The following EFNA5 variants were observed in gnomAD, a reference collection of about 807,000 sequenced individuals.
The protein encoded by EFNA5 is ephrin A5, also known as ephrin-A5.
In EFNA5, 5 loss-of-function variants were observed where a neutral mutation model predicts 22.9. That is an observed-to-expected ratio of 0.22 (90% CI 0.11 to 0.46). The LOEUF is 0.46. Among genes scored for constraint, EFNA5 ranks in the 20% least tolerant of loss-of-function variants. EFNA5 has a pLI of 0.99. For synonymous variants in EFNA5, 113 were observed against 112.2 expected (o/e 1.01, Z -0.04); for missense variants, 237 against 293.3 (o/e 0.81, Z 1.40).
At chr5:107,389,846 C>T (rs1747736508) in intron 2 of EFNA5, among the ~76,000 whole-genome samples, 1 of 152,178 alleles carries the variant, frequency 6.6e-6, no homozygotes, top group Non-Finnish European at 1.5e-5. Flanking sequence ...TTAAATGACA[C>T]ATAAAATAAA....
chr5:107,633,487 G>A lies in EFNA5; in HGVS notation c.125+37002C>T, dbSNP rs532185056. Among the ~76,000 whole-genome samples, 20 of 152,344 alleles carry A rather than the reference G, an allele frequency of 1.3e-4. No individual in the cohort carries two copies. The South Asian group carries it at 3.7e-3, about 28-fold the overall frequency. On this transcript the variant is annotated intron_variant, in intron 1 of 4. Coordinates refer to ENST00000333274, the MANE Select transcript of EFNA5 (RefSeq NM_001962.3). ...ATTGCCCTCACTGCCGGGGCCCCGCGCCTCATGGCACTGCTGCGTCACATT... is the reference window on the plus strand; with the variant it reads ...ATTGCCCTCACTGCCGGGGCCCCGCACCTCATGGCACTGCTGCGTCACATT...
At chr5:107,461,716 G>A (rs978397418) in intron 1 of EFNA5, among the ~76,000 whole-genome samples, 1 of 152,118 alleles carries the variant, frequency 6.6e-6, no homozygotes, top group African/African-American at 2.4e-5. Flanking sequence ...ATTTTTAAAA[G>A]TGAGGAAAAT....
At chr5:107,627,979 G>C (rs900539764) in intron 1 of EFNA5, among the ~76,000 whole-genome samples, 3 of 152,084 alleles carry the variant, frequency 2.0e-5, no homozygotes, top group Admixed American at 2.0e-4. Flanking sequence ...GATTAACTAG[G>C]CTAGATCTAT....
At chr5:107,487,794 A>C (rs529513980) in intron 1 of EFNA5, among the ~76,000 whole-genome samples, 7 of 152,304 alleles carry the variant, frequency 4.6e-5, no homozygotes, top group Non-Finnish European at 5.9e-5. Context: ...TGTCCTAATC[A>C]TATTTGTATC....
At chr5:107,618,120 T>G (rs1186708440) in intron 1 of EFNA5, among the ~76,000 whole-genome samples, 1 of 152,202 alleles carries the variant, frequency 6.6e-6, no homozygotes. Flanking sequence ...ATGCCCATTC[T>G]TGGTACAATA....
At chr5:107,467,776 T>C (rs1243803441) in intron 1 of EFNA5, among the ~76,000 whole-genome samples, 1 of 152,124 alleles carries the variant, frequency 6.6e-6, no homozygotes, top group East Asian at 1.9e-4. Context: ...GGCATGGAAA[T>C]GTTACCACGC....
intron 4 of EFNA5, among the ~76,000 whole-genome samples, chr5:107,382,427 C>T (rs1747493699): frequency 1.3e-5 from 2 of 152,004 alleles, no homozygotes; most frequent in South Asian, 4.1e-4. Context: ...GGCTGGAGTA[C>T]AGTGGCCCAA....
chr5:107,394,648 C>T (rs1747874459), intron 2 of EFNA5, among the ~76,000 whole-genome samples: 1 of 152,150 alleles, frequency 6.6e-6, no homozygotes, highest in East Asian at 1.9e-4. Flanking sequence ...GTTTGCCTTC[C>T]CTCCTATCTC....
At chr5:107,615,142 A>C (rs1372446444) in intron 1 of EFNA5, among the ~76,000 whole-genome samples, 1 of 152,050 alleles carries the variant, frequency 6.6e-6, no homozygotes, top group Non-Finnish European at 1.5e-5. Flanking sequence ...TTTCTCTTCC[A>C]CCTTTAAAAA....
At chr5:107,513,426 T>C (rs1747414949) in intron 1 of EFNA5, among the ~76,000 whole-genome samples, 1 of 152,182 alleles carries the variant, frequency 6.6e-6, no homozygotes, top group Non-Finnish European at 1.5e-5. Flanking sequence ...ATGTCAGGAA[T>C]GGGTACTCTC....
intron 1 of EFNA5, among the ~76,000 whole-genome samples, chr5:107,581,000 T>TTGGA (rs1749062054): frequency 6.6e-6 from 1 of 152,192 alleles, no homozygotes; most frequent in Admixed American, 6.5e-5. Context: ...AATTTGTGCT[T>TTGGA]TGGATGAAAC....
intron 2 of EFNA5, among the ~76,000 whole-genome samples, chr5:107,403,959 T>C (rs1334380730): frequency 6.6e-6 from 1 of 152,214 alleles, no homozygotes; most frequent in South Asian, 2.1e-4. Flanking sequence ...AAACCCTTTA[T>C]GTAATTTCTG....
chr5:107,394,538 A>G (rs1229208501), intron 2 of EFNA5, among the ~76,000 whole-genome samples: 1 of 152,204 alleles, frequency 6.6e-6, no homozygotes. Flanking sequence ...ACAAGGAAAA[A>G]ATAATTAGAG....
At chr5:107,508,101 T>G (rs2112431453) in intron 1 of EFNA5, among the ~76,000 whole-genome samples, 1 of 152,246 alleles carries the variant, frequency 6.6e-6, no homozygotes, top group Admixed American at 6.5e-5. Flanking sequence ...CCCATCATCT[T>G]TGGAACTTTG....
At chr5:107,659,167 C>G (rs752036817) in intron 1 of EFNA5, among the ~76,000 whole-genome samples, 63 of 152,114 alleles carry the variant, frequency 4.1e-4, no homozygotes, top group Admixed American at 9.8e-4. Flanking sequence ...TCAATGATAA[C>G]TTTTAGATAT....
At chr5:107,568,874 C>G (rs1438063651) in intron 1 of EFNA5, among the ~76,000 whole-genome samples, 1 of 152,102 alleles carries the variant, frequency 6.6e-6, no homozygotes, top group Non-Finnish European at 1.5e-5. Context: ...ACAAATCCTT[C>G]TCGGTCTTCA....
intron 1 of EFNA5, among the ~76,000 whole-genome samples, chr5:107,589,502 G>A (rs934623146): frequency 6.6e-6 from 1 of 152,092 alleles, no homozygotes; most frequent in South Asian, 2.1e-4. Context: ...CAACAAAGGA[G>A]TAAGTTACTC....
chr5:107,519,763 A>G (rs1463503895), intron 1 of EFNA5, among the ~76,000 whole-genome samples: 3 of 152,246 alleles, frequency 2.0e-5, no homozygotes, highest in African/African-American at 7.2e-5. Context: ...ATTTATTTGA[A>G]TATTTTTACT....
chr5:107,476,756 T>TCTCC (rs1394642423), intron 1 of EFNA5, among the ~76,000 whole-genome samples: 2 of 151,414 alleles, frequency 1.3e-5, no homozygotes, highest in African/African-American at 2.4e-5. Context: ...TCTCTCTCTC[T>TCTCC]CTCTCACAGG....
Sources: allele counts gnomAD v4.1 joint callset (sites outside exome capture counted in the v4.1 genomes callset), GRCh38; gene constraint gnomAD v4.1.1; transcripts MANE v1.5; gene names NCBI Gene and HGNC (gene_info 2026-07-23, HGNC 2026-07-21).